The following MAN1A2 variants were observed in gnomAD, a reference collection of about 807,000 sequenced individuals.
MAN1A2 encodes mannosidase alpha class 1A member 2, also known as mannosyl-oligosaccharide 1,2-alpha-mannosidase IB.
A neutral mutation model predicts 75.7 loss-of-function variants in MAN1A2; 26 were observed. The ratio of observed to expected loss-of-function variants is 0.34; its 90% CI spans 0.25 to 0.48. The LOEUF (loss-of-function observed/expected upper bound fraction) is 0.48, where lower values mean the gene tolerates loss of function less well. Among genes scored for constraint, MAN1A2 ranks in the 20% least tolerant of loss-of-function variants. The pLI is 0.99. For synonymous variants in MAN1A2, 247 were observed against 264.6 expected (o/e 0.93, Z 0.65); for missense variants, 562 against 775.5 (o/e 0.72, Z 3.27).
At chr1:117,408,474 T>G (rs992434374) in intron 3 of MAN1A2, among the ~76,000 whole-genome samples, 2 of 151,380 alleles carry the variant, frequency 1.3e-5, no homozygotes, top group African/African-American at 2.4e-5. Context: ...ATTTTCCAGG[T>G]GTGTGTGTGT....
intron 5 of MAN1A2, among the ~76,000 whole-genome samples, chr1:117,421,053 A>C (rs1405599486): frequency 6.6e-6 from 1 of 152,106 alleles, no homozygotes; most frequent in Non-Finnish European, 1.5e-5. Flanking sequence ...TTAGAAATTG[A>C]ATCCAGTTTT....
In MAN1A2 at chr1:117,528,853, A is replaced by C. The variant is rs1652096593; in HGVS notation, c.*5896A>C. On this transcript the variant is annotated 3_prime_UTR_variant, in exon 13 of 13. Coordinates refer to ENST00000356554, the MANE Select transcript of MAN1A2 (RefSeq NM_006699.5). ...ATATTGTATATTAAAGTTCAAATAA[A>C]GATGTTCTTTAAGTGAAAATTCTTT... 2.0e-5 allele frequency: 3 copies of C among 152,142 alleles called. No individual in the cohort carries two copies. Among genetic ancestry groups the C allele is most frequent in the Admixed American group, 1.3e-4 (2 of 15,262 alleles). The allele number at this position is 152,142 out of a possible 1,614,324, so 9.4% of individuals were successfully genotyped here. A position where few individuals can be genotyped will look rare whatever the true frequency, so the allele number is the denominator to read the frequency against.
At chr1:117,386,815 C>T (rs1274106308) in intron 1 of MAN1A2, among the ~76,000 whole-genome samples, 1 of 94,354 alleles carries the variant, frequency 1.1e-5, no homozygotes, top group East Asian at 2.2e-4. Flanking sequence ...ACCTATATTT[C>T]CACGTAATCG....
At chr1:117,423,869 T>C (rs183361988) in intron 5 of MAN1A2, among the ~76,000 whole-genome samples, 10 of 151,282 alleles carry the variant, frequency 6.6e-5, no homozygotes, top group African/African-American at 2.4e-4. Context: ...ATTTTTCTTT[T>C]TTTCTTTCTT....
At chr1:117,518,299 A>G (rs890610475) in intron 12 of MAN1A2, among the ~76,000 whole-genome samples, 8 of 152,044 alleles carry the variant, frequency 5.3e-5, no homozygotes, top group Admixed American at 2.0e-4. Flanking sequence ...AACTATTTTT[A>G]CTTTTCACAT....
intron 1 of MAN1A2, among the ~76,000 whole-genome samples, chr1:117,401,716 A>G (rs58201447): frequency 0.035 from 5,334 of 152,254 alleles, 160 homozygotes; most frequent in African/African-American, 0.076. Flanking sequence ...ATGTTACATT[A>G]TAGTATCTAT....
chr1:117,428,806 T>A (rs1405742624), intron 5 of MAN1A2, among the ~76,000 whole-genome samples: 15 of 138,818 alleles, frequency 1.1e-4, no homozygotes, highest in African/African-American at 5.1e-5. Context: ...TTTTTTTTTT[T>A]TAAATTTATT....
chr1:117,382,791 A>G (rs954096336), intron 1 of MAN1A2, among the ~76,000 whole-genome samples: 1 of 152,094 alleles, frequency 6.6e-6, no homozygotes, highest in African/African-American at 2.4e-5. Context: ...CATTTTCACA[A>G]TATTGATTCT....
At chr1:117,408,416 G>C (rs1647688471) in intron 3 of MAN1A2, among the ~76,000 whole-genome samples, 1 of 150,746 alleles carries the variant, frequency 6.6e-6, no homozygotes, top group Non-Finnish European at 1.5e-5. Flanking sequence ...ATTTTAATTT[G>C]TAAAAAGTAT....
chr1:117,390,917 T>G (rs1653697184), intron 1 of MAN1A2, among the ~76,000 whole-genome samples: 1 of 152,178 alleles, frequency 6.6e-6, no homozygotes, highest in Non-Finnish European at 1.5e-5. Flanking sequence ...TTTATTGAGG[T>G]ATTATTCACA....
chr1:117,444,554 A>T lies in MAN1A2; in HGVS notation c.950+2229A>T, dbSNP rs180757367. Reference sequence around the variant, plus strand: ...TATGTGAGAGTCTCTAAATGTCTGCAGGTATAAATTCTTTTTAATTTTTGA... The same window carrying T: ...TATGTGAGAGTCTCTAAATGTCTGCTGGTATAAATTCTTTTTAATTTTTGA... On this transcript the variant is annotated intron_variant, in intron 6 of 12. Coordinates refer to ENST00000356554, the MANE Select transcript of MAN1A2 (RefSeq NM_006699.5). Among the ~76,000 whole-genome samples, 5 of 152,182 alleles carry T rather than the reference A, an allele frequency of 3.3e-5. No homozygotes were observed. The South Asian group carries it at 8.3e-4, about 25-fold the overall frequency.
chr1:117,497,707 T>TTA, intron 10 of MAN1A2, among the ~76,000 whole-genome samples: 1 of 151,874 alleles, frequency 6.6e-6, no homozygotes, highest in African/African-American at 2.4e-5. Flanking sequence ...TAGGCTTTTT[T>TTA]AAAAAAGACA....
In MAN1A2 at chr1:117,462,200, A is replaced by T. The variant is rs12060776; in HGVS notation, c.1074+1588A>T. On this transcript the variant is annotated intron_variant, in intron 7 of 12. Coordinates refer to ENST00000356554, the MANE Select transcript of MAN1A2 (RefSeq NM_006699.5). ...AGGATTTTTACAATGGGAAACAAAAAATATTACCTAGTAAAAATACCCTGT... is the reference window on the plus strand; with the variant it reads ...AGGATTTTTACAATGGGAAACAAAATATATTACCTAGTAAAAATACCCTGT... 3.8e-3 allele frequency among the ~76,000 whole-genome samples: 585 copies of T among 152,248 alleles called. 7 individuals are homozygous for T. The highest frequency in any genetic ancestry group is 0.013 in the African/African-American group (556 of 41,552).
In MAN1A2 at chr1:117,505,476, T is replaced by C. The variant is rs1651328235; in HGVS notation, c.1793+2506T>C. Among the ~76,000 whole-genome samples the C allele has an allele frequency of 4.6e-5, 7 of 151,102 alleles. No homozygotes were observed. In the Admixed American group the frequency reaches 4.6e-4, roughly 10 times the overall value. ...AGGTAACCAGTTATTTATGTATATC[T>C]ATCTATATATATATAGATAGATATA... On this transcript the variant is annotated intron_variant, in intron 12 of 12. Coordinates refer to ENST00000356554, the MANE Select transcript of MAN1A2 (RefSeq NM_006699.5).
chr1:117,502,902 A>C lies in MAN1A2; in HGVS notation c.1725A>C (p.Lys575Asn). Reference protein sequence around the residue: ...CRVNGGFSGVKDVYSSTPTHD... With the variant: ...CRVNGGFSGVNDVYSSTPTHD... ...TTAATGGTGGGTTTTCTGGAGTCAA[A>C]GATGTATATTCCTCTACTCCTACAC... is the stretch of plus-strand genomic sequence containing the variant. Residue 575 changes from lysine (K) to asparagine (N), a missense_variant, in exon 12 of 13, where the codon AAA (lysine) becomes AAC (asparagine). Transcript: ENST00000356554. The C allele has an allele frequency of 6.2e-7, 1 of 1,608,426 alleles. No homozygotes were observed. Among genetic ancestry groups the C allele is most frequent in the East Asian group, 2.2e-5 (1 of 44,538 alleles).
intron 1 of MAN1A2, among the ~76,000 whole-genome samples, chr1:117,375,174 T>G (rs1653096526): frequency 6.6e-6 from 1 of 152,154 alleles, no homozygotes; most frequent in Non-Finnish European, 1.5e-5. Context: ...GGATAGATTC[T>G]GTGGAATACA....
intron 8 of MAN1A2, among the ~76,000 whole-genome samples, chr1:117,486,041 A>G (rs1159104596): frequency 6.6e-6 from 1 of 152,034 alleles, no homozygotes; most frequent in Non-Finnish European, 1.5e-5. Context: ...ATTCTTAAGC[A>G]CGGATAATTA....
In MAN1A2 at chr1:117,496,968, C is replaced by A; in HGVS notation, c.1490C>A (p.Ser497Ter). ...GAEIARTCHE[S>*]YDRTALKLGP... ...GAAATTGCACGTACTTGTCATGAGT[C>A]ATATGACAGAACTGGTAAGAATATT... Residue 497 changes from serine (S) to a stop codon, truncating the protein, a stop_gained, in exon 10 of 13, where the codon TCA (serine) becomes TAA (stop). Coordinates refer to ENST00000356554, the MANE Select transcript of MAN1A2 (RefSeq NM_006699.5). LOFTEE classifies it high-confidence loss of function. 2 of 1,610,550 alleles carry A rather than the reference C, an allele frequency of 1.2e-6. No homozygotes were observed. The highest frequency in any genetic ancestry group is 1.1e-5 in the South Asian group (1 of 90,804).
chr1:117,389,230 G>A (rs1185733929), intron 1 of MAN1A2, among the ~76,000 whole-genome samples: 1 of 152,116 alleles, frequency 6.6e-6, no homozygotes, highest in Non-Finnish European at 1.5e-5. Context: ...ACCTTCTTCA[G>A]TTTCTGATTT....
Sources: allele counts gnomAD v4.1 joint callset (sites outside exome capture counted in the v4.1 genomes callset), GRCh38; gene constraint gnomAD v4.1.1; transcripts MANE v1.5; gene names NCBI Gene and HGNC (gene_info 2026-07-23, HGNC 2026-07-21).